The following HPSE2 variants were observed in gnomAD, a reference collection of about 807,000 sequenced individuals.
HPSE2 encodes heparanase 2 (inactive).
HPSE2 carries 38 observed loss-of-function variants against 60.5 expected under a neutral mutation model. The observed-to-expected ratio is 0.63, with a 90% CI of 0.48 to 0.82. The LOEUF (loss-of-function observed/expected upper bound fraction) is 0.82, where lower values mean the gene tolerates loss of function less well. Among genes scored for constraint, HPSE2 ranks in the 40% least tolerant of loss-of-function variants. The pLI is 0.00. For missense variants in HPSE2, 713 were observed against 740.4 expected (o/e 0.96, Z 0.43); for synonymous variants, 295 against 293.2 (o/e 1.01, Z -0.06).
chr10:99,212,030 C>A (rs1848968959), intron 2 of HPSE2, among the ~76,000 whole-genome samples: 1 of 152,016 alleles, frequency 6.6e-6, no homozygotes, highest in Admixed American at 6.6e-5. Flanking sequence ...TGGGCAAAGT[C>A]ATTTCACAAA....
At chr10:98,585,028 A>G (rs1351658294) in intron 9 of HPSE2, among the ~76,000 whole-genome samples, 1 of 150,166 alleles carries the variant, frequency 6.7e-6, no homozygotes, top group East Asian at 1.9e-4. Context: ...TAAATTTTCT[A>G]TTAGACTATA....
intron 9 of HPSE2, among the ~76,000 whole-genome samples, chr10:98,554,670 G>GT (rs1345288648): frequency 6.6e-6 from 1 of 152,158 alleles, no homozygotes; most frequent in East Asian, 1.9e-4. Context: ...TTCCAGAAGA[G>GT]TAAGATGAAC....
chr10:99,140,389 G>A (rs1429528896), intron 3 of HPSE2, among the ~76,000 whole-genome samples: 2 of 152,240 alleles, frequency 1.3e-5, no homozygotes, highest in Admixed American at 6.5e-5. Context: ...ATAATTATTG[G>A]CTACAGTTTC....
In HPSE2 at chr10:99,048,045, T is replaced by C. The variant is rs565071936; in HGVS notation, c.610+96193A>G. 2.5e-4 allele frequency: 170 copies of C among 690,868 alleles called. 1 individual carries two copies. The highest frequency in any genetic ancestry group is 2.5e-3 in the South Asian group (159 of 64,786). 42.8% of individuals were successfully genotyped at this position (690,868 alleles called of 1,614,324 possible). A position where few individuals can be genotyped will look rare whatever the true frequency, so the allele number is the denominator to read the frequency against. On this transcript the variant is annotated intron_variant, in intron 3 of 11. Transcript: ENST00000370552. ...GCTGCAATTAATATGCTGTGGACTA[T>C]AGAACCATATATTGCATGGGGGTAC... is the stretch of plus-strand genomic sequence containing the variant.
chr10:98,721,971 A>G (rs1565109562), intron 4 of HPSE2, 143 bp from the exon 5 acceptor site: 1 of 755,512 alleles, frequency 1.3e-6, no homozygotes, highest in Non-Finnish European at 2.2e-6. Context: ...ATTTTAACTT[A>G]AAGAACCACC....
intron 8 of HPSE2, among the ~76,000 whole-genome samples, chr10:98,615,397 T>C (rs1235922768): frequency 6.6e-6 from 1 of 152,204 alleles, no homozygotes; most frequent in Non-Finnish European, 1.5e-5. Flanking sequence ...AGAGCGCACA[T>C]TGTGCATTCC....
At chr10:98,507,962 C>T (rs1448496537) in intron 9 of HPSE2, among the ~76,000 whole-genome samples, 7 of 152,006 alleles carry the variant, frequency 4.6e-5, no homozygotes, top group African/African-American at 1.7e-4. Flanking sequence ...ACACATCTAA[C>T]AATAACAACA....
At chr10:98,926,410 T>C (rs1954464688) in intron 3 of HPSE2, among the ~76,000 whole-genome samples, 1 of 152,128 alleles carries the variant, frequency 6.6e-6, no homozygotes, top group African/African-American at 2.4e-5. Flanking sequence ...AATGGTACAA[T>C]ACAGCTAGGA....
the HPSE2 span, among the ~76,000 whole-genome samples, chr10:99,261,928 G>A: frequency 6.6e-6 from 1 of 152,154 alleles, no homozygotes; most frequent in Non-Finnish European, 1.5e-5. Context: ...CCTCAGCTGT[G>A]TCCCATCTTT....
intron 2 of HPSE2, among the ~76,000 whole-genome samples, chr10:99,192,449 T>A (rs1231159416): frequency 6.6e-6 from 1 of 152,194 alleles, no homozygotes; most frequent in Non-Finnish European, 1.5e-5. Context: ...AGCATGACTT[T>A]TTTTTTAGAC....
At chr10:98,725,145 G>A (rs1949038018) in intron 4 of HPSE2, among the ~76,000 whole-genome samples, 1 of 152,068 alleles carries the variant, frequency 6.6e-6, no homozygotes, top group Non-Finnish European at 1.5e-5. Flanking sequence ...TTGCTTTAAA[G>A]TTCATATGGA....
chr10:99,211,708 C>T (rs985204822), intron 2 of HPSE2, among the ~76,000 whole-genome samples: 3 of 152,074 alleles, frequency 2.0e-5, no homozygotes, highest in Non-Finnish European at 2.9e-5. Flanking sequence ...CAAACATCAA[C>T]TCAAAATGGA....
At chr10:98,767,022 A>G (rs1164054030) in intron 3 of HPSE2, among the ~76,000 whole-genome samples, 1 of 152,240 alleles carries the variant, frequency 6.6e-6, no homozygotes, top group Non-Finnish European at 1.5e-5. Context: ...GATAATTTCA[A>G]CAGATGCTGA....
At chr10:98,939,743 C>T (rs1954931445) in intron 3 of HPSE2, among the ~76,000 whole-genome samples, 1 of 144,084 alleles carries the variant, frequency 6.9e-6, no homozygotes, top group Non-Finnish European at 1.5e-5. Context: ...TAATAGACAT[C>T]CACAGAACTC....
At chr10:98,676,497 C>T (rs1287107988) in intron 6 of HPSE2, among the ~76,000 whole-genome samples, 1 of 152,198 alleles carries the variant, frequency 6.6e-6, no homozygotes, top group Admixed American at 6.5e-5. Context: ...AGGCCACTAC[C>T]TTAGTCAGTG....
chr10:98,829,064 G>A (rs76116085), intron 3 of HPSE2, among the ~76,000 whole-genome samples: 2,062 of 152,262 alleles, frequency 0.014, 40 homozygotes, highest in African/African-American at 0.046. Flanking sequence ...AGACATTAAT[G>A]TTAAGTGAAA....
intron 3 of HPSE2, among the ~76,000 whole-genome samples, chr10:98,813,754 T>C (rs2134581402): frequency 6.6e-6 from 1 of 152,316 alleles, no homozygotes; most frequent in Admixed American, 6.5e-5. Flanking sequence ...GATTAACAAA[T>C]GGTTATGTTC....
At chr10:98,856,379 T>C (rs1011480646) in intron 3 of HPSE2, among the ~76,000 whole-genome samples, 1 of 152,146 alleles carries the variant, frequency 6.6e-6, no homozygotes, top group African/African-American at 2.4e-5. Context: ...AGAAAGCTTA[T>C]AGAACATTAA....
intron 3 of HPSE2, among the ~76,000 whole-genome samples, chr10:99,012,375 T>C (rs567501441): frequency 3.9e-5 from 6 of 152,238 alleles, no homozygotes; most frequent in African/African-American, 1.4e-4. Context: ...TGTTTCCATC[T>C]GTGTGATTGG....
Sources: allele counts gnomAD v4.1 joint callset (sites outside exome capture counted in the v4.1 genomes callset), GRCh38; gene constraint gnomAD v4.1.1; transcripts MANE v1.5; gene names NCBI Gene and HGNC (gene_info 2026-07-23, HGNC 2026-07-21).